The following GABRB2 variants were observed in gnomAD, a reference collection of about 807,000 sequenced individuals.
GABRB2 encodes gamma-aminobutyric acid receptor subunit beta-2.
Under a neutral mutation model 54.7 loss-of-function variants are expected in GABRB2, and 16 were observed. The ratio of observed to expected loss-of-function variants is 0.29; its 90% CI spans 0.20 to 0.44. The LOEUF is 0.44. Ranked by LOEUF, GABRB2 falls within the 20% of genes least tolerant of loss-of-function variation. The pLI, the probability that GABRB2 is intolerant of heterozygous loss-of-function variation, is 1.00. For synonymous variants in GABRB2, 244 were observed against 233.8 expected, an observed-to-expected ratio of 1.04 and a Z score of -0.40; for missense variants, 355 against 644.0, an observed-to-expected ratio of 0.55 and a Z score of 4.86.
At chr5:161,357,516 G>C (rs1187402982) in intron 5 of GABRB2, among the ~76,000 whole-genome samples, 1 of 47,178 alleles carries the variant, frequency 2.1e-5, no homozygotes. Flanking sequence ...TGAGAGTTTT[G>C]AGCAAAAAAA....
At chr5:161,530,581 A>G (rs1760423295) in intron 3 of GABRB2, among the ~76,000 whole-genome samples, 1 of 152,108 alleles carries the variant, frequency 6.6e-6, no homozygotes, top group Non-Finnish European at 1.5e-5. Context: ...TATCTCTTCC[A>G]ATGTCTTATA....
At chr5:161,449,825 T>C (rs907942515) in intron 4 of GABRB2, among the ~76,000 whole-genome samples, 3 of 151,844 alleles carry the variant, frequency 2.0e-5, no homozygotes, top group African/African-American at 7.3e-5. Flanking sequence ...AAACATCTAC[T>C]GGGAAATACT....
chr5:161,354,984 G>C (rs1045123730), intron 5 of GABRB2, among the ~76,000 whole-genome samples: 42 of 151,822 alleles, frequency 2.8e-4, no homozygotes, highest in African/African-American at 1.0e-3. Context: ...TTGTCTCTTA[G>C]CACTTGCCTT....
At chr5:161,440,062 C>CAAAAAA (rs61152845) in intron 4 of GABRB2, among the ~76,000 whole-genome samples, 15 of 77,152 alleles carry the variant, frequency 1.9e-4, no homozygotes, top group East Asian at 3.7e-4. Context: ...AACCTCAAAC[C>CAAAAAA]AAAAAAAAAA....
rs1052144253 is a variant in GABRB2, at chr5:161,290,984, A to T, written c.*3097T>A. Reference sequence around the variant, plus strand: ...GCACTGCTTTTGAAGAAATGAGAAGAGAAAAGGTCTAGATGGCACTGCTTG... The same window carrying T: ...GCACTGCTTTTGAAGAAATGAGAAGTGAAAAGGTCTAGATGGCACTGCTTG... On this transcript the variant is annotated 3_prime_UTR_variant, in exon 10 of 10. Coordinates refer to ENST00000393959, the MANE Select transcript of GABRB2 (RefSeq NM_001371727.1). 1.0e-4 allele frequency: 16 copies of T among 152,556 alleles called. No homozygotes were observed. Among genetic ancestry groups the T allele is most frequent in the African/African-American group, 2.4e-5 (1 of 41,446 alleles). 9.5% of individuals were successfully genotyped at this position (152,556 alleles called of 1,614,324 possible).
chr5:161,545,588 C>T (rs996309318), intron 2 of GABRB2, among the ~76,000 whole-genome samples: 4 of 152,152 alleles, frequency 2.6e-5, no homozygotes, highest in Non-Finnish European at 5.9e-5. Flanking sequence ...CACAGAAGCA[C>T]AAGAATCCTT....
At chr5:161,447,877 A>G (rs1757682022) in intron 4 of GABRB2, among the ~76,000 whole-genome samples, 1 of 152,176 alleles carries the variant, frequency 6.6e-6, no homozygotes, top group Non-Finnish European at 1.5e-5. Flanking sequence ...CTTATTATAG[A>G]AAACAAGTAT....
chr5:161,311,058 C>T (rs17059260), intron 9 of GABRB2, among the ~76,000 whole-genome samples: 10,854 of 152,214 alleles, frequency 0.071, 621 homozygotes, highest in Admixed American at 0.16. Context: ...CCACGCCTGG[C>T]CGTTATCCTA....
chr5:161,323,793 G>A (rs941408248), intron 9 of GABRB2, among the ~76,000 whole-genome samples: 1 of 152,112 alleles, frequency 6.6e-6, no homozygotes, highest in Admixed American at 6.5e-5. Context: ...TATACACTGT[G>A]TGTATGTGTT....
intron 5 of GABRB2, among the ~76,000 whole-genome samples, chr5:161,376,484 C>A (rs1755302356): frequency 6.6e-6 from 1 of 151,964 alleles, no homozygotes; most frequent in South Asian, 2.1e-4. Flanking sequence ...ATGCCTTTTT[C>A]CTAAGTTGAG....
chr5:161,495,630 C>T (rs995441372), intron 3 of GABRB2, among the ~76,000 whole-genome samples: 11 of 151,892 alleles, frequency 7.2e-5, no homozygotes, highest in African/African-American at 2.7e-4. Context: ...GCATTCAAGG[C>T]TCAATAATTA....
intron 7 of GABRB2, among the ~76,000 whole-genome samples, chr5:161,334,364 T>C (rs1753931914): frequency 6.6e-6 from 1 of 152,172 alleles, no homozygotes; most frequent in African/African-American, 2.4e-5. Flanking sequence ...GCTTATCCAT[T>C]TGCTACACAC....
At chr5:161,466,345 T>C (rs111924857) in intron 3 of GABRB2, among the ~76,000 whole-genome samples, 3 of 152,070 alleles carry the variant, frequency 2.0e-5, no homozygotes, top group Non-Finnish European at 4.4e-5. Flanking sequence ...TAAACAAATA[T>C]CTTTGGTAGA....
intron 3 of GABRB2, among the ~76,000 whole-genome samples, chr5:161,503,850 G>A (rs1270313252): frequency 6.6e-6 from 1 of 151,688 alleles, no homozygotes; most frequent in Non-Finnish European, 1.5e-5. Flanking sequence ...ATACACACAG[G>A]TATGAAAGAA....
At chr5:161,428,974 G>A (rs1757090623) in intron 4 of GABRB2, among the ~76,000 whole-genome samples, 1 of 152,040 alleles carries the variant, frequency 6.6e-6, no homozygotes, top group East Asian at 1.9e-4. Context: ...ATCTATAAAT[G>A]TAAAATAATT....
intron 4 of GABRB2, among the ~76,000 whole-genome samples, chr5:161,429,621 T>C (rs1757117567): frequency 6.6e-6 from 1 of 152,258 alleles, no homozygotes; most frequent in East Asian, 1.9e-4. Flanking sequence ...TGGTGAAGGA[T>C]GGATGAAAGT....
chr5:161,342,854 T>G (rs1754212614), intron 5 of GABRB2, among the ~76,000 whole-genome samples: 1 of 152,040 alleles, frequency 6.6e-6, no homozygotes, highest in African/African-American at 2.4e-5. Context: ...GAATTATCTT[T>G]TAATGGAGCA....
upstream of GABRB2, among the ~76,000 whole-genome samples, chr5:161,547,737 G>T (rs1000742147): frequency 8.5e-5 from 13 of 152,094 alleles, no homozygotes; most frequent in Admixed American, 1.3e-4. Flanking sequence ...CAGGTGCGGG[G>T]GACTGGAGGG....
chr5:161,524,708 GT>G (rs1760221185), intron 3 of GABRB2, among the ~76,000 whole-genome samples: 1 of 151,172 alleles, frequency 6.6e-6, no homozygotes, highest in African/African-American at 2.4e-5. Flanking sequence ...AACATGATCT[GT>G]TTTTAATGCA....
Sources: gnomAD v4.1 joint callset for allele counts (sites outside exome capture counted in the v4.1 genomes callset) on GRCh38, gnomAD v4.1.1 for gene constraint, MANE v1.5 for transcripts, NCBI Gene and HGNC (gene_info 2026-07-23, HGNC 2026-07-21) for gene names.